Variants in ERC2 observed in about 807,000 individuals in gnomAD.
The protein encoded by ERC2 is ERC protein 2.
In ERC2, 42 loss-of-function variants were observed where a neutral mutation model predicts 114.8. The ratio of observed to expected loss-of-function variants is 0.37; its 90% CI spans 0.29 to 0.47. The LOEUF is 0.47. Among genes scored for constraint, ERC2 ranks in the 20% least tolerant of loss-of-function variants. The pLI, the probability that ERC2 is intolerant of heterozygous loss-of-function variation, is 0.99. For synonymous variants in ERC2, 454 were observed against 425.5 expected, an observed-to-expected ratio of 1.07 and a Z score of -0.82; for missense variants, 939 against 1,150.7, an observed-to-expected ratio of 0.82 and a Z score of 2.66.
intron 6 of ERC2, among the ~76,000 whole-genome samples, chr3:56,102,012 T>A (rs187934593): frequency 3.3e-5 from 5 of 152,224 alleles, no homozygotes; most frequent in Non-Finnish European, 5.9e-5. Context: ...TCCAGCAAGA[T>A]GTGGTACTTT....
At chr3:55,812,845 G>A (rs954091680) in intron 14 of ERC2, among the ~76,000 whole-genome samples, 4 of 152,232 alleles carry the variant, frequency 2.6e-5, no homozygotes, top group South Asian at 2.1e-4. Context: ...TTGTGTGTAC[G>A]TGTGTGCATG....
At chr3:55,856,637 C>T (rs186692695) in intron 14 of ERC2, among the ~76,000 whole-genome samples, 216 of 152,006 alleles carry the variant, frequency 1.4e-3, no homozygotes, top group African/African-American at 4.8e-3. Context: ...CACACACATA[C>T]GGTGATGGTA....
chr3:56,226,065 G>A (rs2050230838), intron 3 of ERC2, among the ~76,000 whole-genome samples: 1 of 152,196 alleles, frequency 6.6e-6, no homozygotes, highest in South Asian at 2.1e-4. Flanking sequence ...GTGAAAATAT[G>A]TAATATTTCA....
chr3:56,010,294 T>A (rs1250992333), intron 9 of ERC2, among the ~76,000 whole-genome samples, 155 bp downstream of exon 9: 7 of 151,624 alleles, frequency 4.6e-5, no homozygotes, highest in African/African-American at 1.7e-4. Context: ...AAAAAAAAAA[T>A]TCCTTTAAAT....
intron 14 of ERC2, among the ~76,000 whole-genome samples, chr3:55,819,935 G>T (rs80046486): frequency 2.6e-5 from 4 of 152,182 alleles, no homozygotes; most frequent in Non-Finnish European, 5.9e-5. Context: ...TTTTGGCTGC[G>T]TGCAATGGAG....
At chr3:56,228,540 AT>A (rs1209612214) in intron 3 of ERC2, among the ~76,000 whole-genome samples, 3 of 152,170 alleles carry the variant, frequency 2.0e-5, no homozygotes, top group South Asian at 2.1e-4. Context: ...ACTTCCTTCC[AT>A]TTTAAGTCTG....
chr3:56,304,045 T>C (rs1441007848), intron 2 of ERC2, among the ~76,000 whole-genome samples: 1 of 152,078 alleles, frequency 6.6e-6, no homozygotes, highest in Non-Finnish European at 1.5e-5. Flanking sequence ...TCAGCAGAAA[T>C]ATAGAATTGA....
chr3:56,097,870 A>C (rs1419868770), intron 6 of ERC2, among the ~76,000 whole-genome samples: 1 of 152,228 alleles, frequency 6.6e-6, no homozygotes, highest in African/African-American at 2.4e-5. Context: ...CCATTTAAAC[A>C]GTAAACATTT....
At chr3:55,691,578 A>ATATATATG in intron 16 of ERC2, among the ~76,000 whole-genome samples, 1 of 75,648 alleles carries the variant, frequency 1.3e-5, no homozygotes, top group East Asian at 3.6e-4. Context: ...AAAAAAATAT[A>ATATATATG]TATATATATA....
intron 14 of ERC2, among the ~76,000 whole-genome samples, chr3:55,883,784 A>G (rs2063227166): frequency 6.6e-6 from 1 of 151,930 alleles, no homozygotes; most frequent in Non-Finnish European, 1.5e-5. Flanking sequence ...GCAGCTCGGG[A>G]GGTGGAGGCA....
chr3:56,245,804 G>A (rs891621540), intron 3 of ERC2, among the ~76,000 whole-genome samples: 7 of 151,940 alleles, frequency 4.6e-5, no homozygotes, highest in Non-Finnish European at 8.8e-5. Context: ...GCCTCCTAAA[G>A]TGCTGGGATT....
chr3:56,079,107 T>G (rs918056081), intron 7 of ERC2, among the ~76,000 whole-genome samples: 3 of 151,990 alleles, frequency 2.0e-5, no homozygotes, highest in Non-Finnish European at 4.4e-5. Flanking sequence ...GAACATAATG[T>G]GAGTCACACA....
At chr3:56,446,411 A>G (rs1172898771) in intron 1 of ERC2, among the ~76,000 whole-genome samples, 1 of 152,110 alleles carries the variant, frequency 6.6e-6, no homozygotes, top group Non-Finnish European at 1.5e-5. Context: ...GAGCCTGTAC[A>G]GTGGGGCACA....
In ERC2 at chr3:56,293,829, G is replaced by T. The variant is rs186949370; in HGVS notation, c.1074+2190C>A. Among the ~76,000 whole-genome samples the T allele has an allele frequency of 1.1e-3, 162 of 152,248 alleles. 1 individual carries two copies. The highest frequency in any genetic ancestry group is 1.3e-3 in the Non-Finnish European group (88 of 68,018). ...CAGCCAATCTCAGAAAACCCAAGAT[G>T]AATTGTGTTTAGATTCATTTAAATG... On this transcript the variant is annotated intron_variant, in intron 3 of 17. Coordinates refer to ENST00000288221, the MANE Select transcript of ERC2 (RefSeq NM_015576.3).
intron 17 of ERC2, among the ~76,000 whole-genome samples, chr3:55,542,300 G>A (rs935877363): frequency 2.0e-5 from 3 of 152,204 alleles, no homozygotes; most frequent in Non-Finnish European, 4.4e-5. Flanking sequence ...CATTGCCCAA[G>A]ATGGTAAATA....
chr3:55,802,811 A>G (rs1015317914), intron 14 of ERC2, among the ~76,000 whole-genome samples: 1 of 152,206 alleles, frequency 6.6e-6, no homozygotes, highest in Non-Finnish European at 1.5e-5. Context: ...CCTTCTATGA[A>G]GATGACACTA....
chr3:56,341,639 A>AC (rs2058093244), intron 2 of ERC2, among the ~76,000 whole-genome samples: 1 of 151,828 alleles, frequency 6.6e-6, no homozygotes, highest in South Asian at 2.1e-4. Context: ...CCATTCTGAG[A>AC]CCCCCAAGCT....
intron 2 of ERC2, among the ~76,000 whole-genome samples, chr3:56,336,678 C>T (rs1225525755): frequency 6.6e-6 from 1 of 152,118 alleles, no homozygotes; most frequent in Non-Finnish European, 1.5e-5. Flanking sequence ...CCTGTAATCC[C>T]AGCTACTCGG....
chr3:55,556,073 G>C (rs972152454), intron 17 of ERC2, among the ~76,000 whole-genome samples: 1 of 152,174 alleles, frequency 6.6e-6, no homozygotes, highest in African/African-American at 2.4e-5. Flanking sequence ...TTAATCAGAG[G>C]ATGGAAGCCC....
Sources: gnomAD v4.1 joint callset for allele counts (sites outside exome capture counted in the v4.1 genomes callset) on GRCh38, gnomAD v4.1.1 for gene constraint, MANE v1.5 for transcripts, NCBI Gene and HGNC (gene_info 2026-07-23, HGNC 2026-07-21) for gene names.